Variants in UNC79 observed in about 807,000 individuals in gnomAD.
UNC79 encodes the protein protein unc-79 homolog.
UNC79 carries 37 observed loss-of-function variants against 283.1 expected under a neutral mutation model. The ratio of observed to expected loss-of-function variants is 0.13; its 90% confidence interval spans 0.10 to 0.17. The LOEUF (loss-of-function observed/expected upper bound fraction) is 0.17, where lower values mean the gene tolerates loss of function less well. Among genes scored for constraint, UNC79 ranks in the 10% least tolerant of loss-of-function variants. The pLI is 1.00. For missense variants in UNC79, 2,272 were observed against 3,211.1 expected, an observed-to-expected ratio of 0.71 and a Z score of 7.07; for synonymous variants, 1,107 against 1,200.2, an observed-to-expected ratio of 0.92 and a Z score of 1.61.
intron 1 of UNC79, among the ~76,000 whole-genome samples, chr14:93,385,039 A>G (rs1269765387): frequency 1.3e-5 from 2 of 152,330 alleles, no homozygotes; most frequent in South Asian, 2.1e-4. Flanking sequence ...CCACTGGTCT[A>G]CATGTCTCTT....
chr14:93,584,178 G>A (rs763301536), intron 20 of UNC79, among the ~76,000 whole-genome samples: 1 of 152,206 alleles, frequency 6.6e-6, no homozygotes, highest in Non-Finnish European at 1.5e-5. Flanking sequence ...TGCTGATCCA[G>A]TTTAGCCTTT....
chr14:93,493,906 T>A (rs1202121011), intron 5 of UNC79, among the ~76,000 whole-genome samples: 59 of 127,130 alleles, frequency 4.6e-4, no homozygotes, highest in South Asian at 2.6e-3. Flanking sequence ...TATATATTTT[T>A]TTTTTTTTTT....
At chr14:93,647,237 A>G (rs1463898129) in intron 35 of UNC79, among the ~76,000 whole-genome samples, 6 of 152,232 alleles carry the variant, frequency 3.9e-5, no homozygotes, top group Admixed American at 2.6e-4. Context: ...TATAGTAACT[A>G]TAACAAAACA....
intron 1 of UNC79, among the ~76,000 whole-genome samples, chr14:93,403,593 G>A (rs371430944): frequency 3.3e-5 from 5 of 152,062 alleles, no homozygotes; most frequent in Admixed American, 6.6e-5. Flanking sequence ...TAGAAAGTGC[G>A]TTTCCAACAG....
At chr14:93,412,245 A>G (rs1026804561) in intron 1 of UNC79, among the ~76,000 whole-genome samples, 1 of 152,164 alleles carries the variant, frequency 6.6e-6, no homozygotes, top group Non-Finnish European at 1.5e-5. Context: ...GGAGGAGATA[A>G]AAGAAAAAAA....
At chr14:93,573,358 T>C (rs2141626979) in intron 16 of UNC79, among the ~76,000 whole-genome samples, 1 of 152,338 alleles carries the variant, frequency 6.6e-6, no homozygotes, top group East Asian at 1.9e-4. Flanking sequence ...TGTCTCACAG[T>C]TTTTGTCTGT....
intron 29 of UNC79, among the ~76,000 whole-genome samples, chr14:93,619,870 G>A (rs2066995989): frequency 6.6e-6 from 1 of 152,186 alleles, no homozygotes; most frequent in Non-Finnish European, 1.5e-5. Flanking sequence ...TGAATAGTAG[G>A]TAAACTCATT....
At chr14:93,349,937 T>TA (rs202058856) in intron 1 of UNC79, among the ~76,000 whole-genome samples, 14 of 152,054 alleles carry the variant, frequency 9.2e-5, no homozygotes, top group African/African-American at 2.4e-4. Flanking sequence ...CTGTTAAAAA[T>TA]AAAAAAAATT....
intron 1 of UNC79, chr14:93,333,629 C>T (rs1459861187): frequency 5.1e-6 from 2 of 389,980 alleles, no homozygotes; most frequent in Admixed American, 4.4e-5. Flanking sequence ...TAACAAGATA[C>T]CCCTGTAAAC....
chr14:93,621,123 T>C lies in UNC79; in HGVS notation c.4388-498T>C, dbSNP rs2067100231. The C allele has an allele frequency of 4.6e-6, 2 of 431,534 alleles. No homozygotes were observed. The highest frequency in any genetic ancestry group is 5.7e-5 in the East Asian group (1 of 17,522). The allele number at this position is 431,534 out of a possible 1,614,324, so 26.7% of individuals were successfully genotyped here. ...TTGGGGTGAAATCTTAATTTTATTA[T>C]GTTACTACACATTTTAATACCGTTG... is the stretch of plus-strand genomic sequence containing the variant. On this transcript the variant is annotated intron_variant, in intron 29 of 48. Coordinates refer to ENST00000555664, the Ensembl canonical transcript of UNC79. The surrounding 1 kb of genome is among the most constrained non-coding windows in gnomAD (Gnocchi z 4.8).
chr14:93,566,207 A>G (rs953818914), intron 14 of UNC79, among the ~76,000 whole-genome samples: 1 of 152,128 alleles, frequency 6.6e-6, no homozygotes, highest in African/African-American at 2.4e-5. Flanking sequence ...GTGGACCTGC[A>G]TTGGTTGCCG....
chr14:93,628,923 G>T (rs2067791591), intron 30 of UNC79, among the ~76,000 whole-genome samples: 1 of 152,184 alleles, frequency 6.6e-6, no homozygotes, highest in Admixed American at 6.5e-5. Flanking sequence ...CCAAGGCCAG[G>T]CACGGTGGCT....
chr14:93,473,407 T>C (rs1215839650), intron 2 of UNC79, among the ~76,000 whole-genome samples: 1 of 152,228 alleles, frequency 6.6e-6, no homozygotes. Flanking sequence ...TATTATTTTA[T>C]AGCTTTTCCA....
intron 1 of UNC79, among the ~76,000 whole-genome samples, chr14:93,368,646 A>G (rs1176955937): frequency 2.0e-5 from 3 of 151,866 alleles, no homozygotes; most frequent in Non-Finnish European, 4.4e-5. Flanking sequence ...AAATTTTTGT[A>G]TTTTTAGTCG....
intron 14 of UNC79, among the ~76,000 whole-genome samples, chr14:93,570,408 T>C (rs1376124513): frequency 6.6e-6 from 1 of 152,240 alleles, no homozygotes; most frequent in East Asian, 1.9e-4. Flanking sequence ...GGAATGTTTT[T>C]ATAAATCTTT....
chr14:93,695,082 A>G (rs1362368391), intron 47 of UNC79, among the ~76,000 whole-genome samples: 2 of 151,868 alleles, frequency 1.3e-5, no homozygotes, highest in African/African-American at 4.8e-5. Context: ...TTGGTTTCCC[A>G]CTCCGTTTAT....
In UNC79 at chr14:93,706,762, A is replaced by G; in HGVS notation, c.7649A>G (p.His2550Arg). The G allele has an allele frequency of 1.9e-6, 3 of 1,614,202 alleles. No homozygotes were observed. The South Asian group carries it at 3.3e-5, about 18-fold the overall frequency. ...GCTATTCAGAACCACGTGAACCACC[A>G]CAGCCTAAGGACGCTGCCGGGCTCG... The change falls in exon 49 of 49, where the codon CAC becomes CGC. Residue 2550 changes from histidine (H) to arginine (R), a missense_variant. Physicochemically the swap from His to Arg is conservative, Grantham distance 29. Transcript: ENST00000555664.
chr14:93,553,729 G>T (rs2062014172), intron 14 of UNC79, among the ~76,000 whole-genome samples: 1 of 152,144 alleles, frequency 6.6e-6, no homozygotes, highest in Admixed American at 6.5e-5. Context: ...ACACATTTAT[G>T]TGACTATAAT....
At chr14:93,340,193 A>G (rs2053673605) in intron 1 of UNC79, among the ~76,000 whole-genome samples, 1 of 152,186 alleles carries the variant, frequency 6.6e-6, no homozygotes, top group Non-Finnish European at 1.5e-5. Context: ...CTGTAATCCC[A>G]GCACTTTGGT....
Sources: allele counts gnomAD v4.1 joint callset (sites outside exome capture counted in the v4.1 genomes callset), GRCh38; gene constraint gnomAD v4.1.1; non-coding constraint Gnocchi (gnomAD v3.1); transcripts MANE v1.5; gene names NCBI Gene and HGNC (gene_info 2026-07-23, HGNC 2026-07-21).